The following FRMD4A variants were observed in gnomAD, a reference collection of about 807,000 sequenced individuals.
FRMD4A encodes the protein FERM domain containing 4A, also known as FERM domain-containing protein 4A.
FRMD4A carries 29 observed loss-of-function variants against 129.1 expected under a neutral mutation model. That is an observed-to-expected ratio of 0.22 (90% CI 0.17 to 0.31). The LOEUF (loss-of-function observed/expected upper bound fraction) is 0.31, where lower values mean the gene tolerates loss of function less well. Among genes scored for constraint, FRMD4A ranks in the 10% least tolerant of loss-of-function variants. The pLI is 1.00. For synonymous variants in FRMD4A, 634 were observed against 571.6 expected (o/e 1.11, Z -1.56); for missense variants, 1,272 against 1,375.8 (o/e 0.92, Z 1.19).
intron 2 of FRMD4A, among the ~76,000 whole-genome samples, chr10:14,117,910 T>C (rs1357265589): frequency 6.6e-6 from 1 of 151,718 alleles, no homozygotes; most frequent in African/African-American, 2.4e-5. Context: ...TGCAGAGAGG[T>C]GTTTATCTGT....
intron 2 of FRMD4A, among the ~76,000 whole-genome samples, chr10:13,942,766 C>G (rs1486313966): frequency 6.6e-6 from 1 of 151,986 alleles, no homozygotes; most frequent in African/African-American, 2.4e-5. Flanking sequence ...AACCCTGCCT[C>G]TACAAAAAAT....
chr10:13,900,311 G>A (rs1309706857), intron 2 of FRMD4A, among the ~76,000 whole-genome samples: 1 of 151,880 alleles, frequency 6.6e-6, no homozygotes, highest in Non-Finnish European at 1.5e-5. Context: ...AAGTTTTATA[G>A]TTTTGTTGTG....
At chr10:14,134,089 A>G (rs1239260411) in intron 2 of FRMD4A, among the ~76,000 whole-genome samples, 2 of 152,128 alleles carry the variant, frequency 1.3e-5, no homozygotes, top group Admixed American at 6.5e-5. Flanking sequence ...CCTTTTGATA[A>G]TTTCTACAAG....
intron 2 of FRMD4A, among the ~76,000 whole-genome samples, chr10:14,292,233 A>T (rs1033224674): frequency 1.3e-5 from 2 of 152,258 alleles, no homozygotes; most frequent in African/African-American, 2.4e-5. Context: ...TTCGTCTTGC[A>T]GATCTCATGC....
At chr10:14,185,446 C>A (rs1206012919) in intron 2 of FRMD4A, among the ~76,000 whole-genome samples, 1 of 152,146 alleles carries the variant, frequency 6.6e-6, no homozygotes, top group Non-Finnish European at 1.5e-5. Context: ...ATGAGGATGT[C>A]GTGGCAGAAA....
At chr10:13,983,266 T>C (rs1250010683) in intron 2 of FRMD4A, among the ~76,000 whole-genome samples, 9 of 152,160 alleles carry the variant, frequency 5.9e-5, no homozygotes, top group Non-Finnish European at 1.2e-4. Flanking sequence ...TTGCAAGCAG[T>C]CCTCTTCCTC....
intron 9 of FRMD4A, among the ~76,000 whole-genome samples, chr10:13,740,823 GTTTGTTTTTTTT>G (rs948778111): frequency 1.9e-5 from 2 of 105,108 alleles, no homozygotes; most frequent in African/African-American, 7.9e-5. Flanking sequence ...TGTCTTGGAT[GTTTGTTTTTTTT>G]TTTTTTTTTG....
At chr10:13,898,166 A>G (rs536646410) in intron 2 of FRMD4A, among the ~76,000 whole-genome samples, 1 of 152,250 alleles carries the variant, frequency 6.6e-6, no homozygotes, top group South Asian at 2.1e-4. Context: ...TGAGGTCAGG[A>G]GTTTGAGACC....
intron 2 of FRMD4A, chr10:14,326,906 C>G (rs185963934): frequency 5.0e-6 from 2 of 398,696 alleles, no homozygotes; most frequent in African/African-American, 4.1e-5. Flanking sequence ...TTTTCAACAG[C>G]CTAAAAGGCC....
intron 2 of FRMD4A, among the ~76,000 whole-genome samples, chr10:14,087,220 A>G (rs1836335192): frequency 6.8e-6 from 1 of 147,824 alleles, no homozygotes; most frequent in African/African-American, 2.5e-5. Context: ...TAGGATTATA[A>G]ATTATATATT....
At chr10:13,873,818 A>T (rs2094463403) in intron 2 of FRMD4A, among the ~76,000 whole-genome samples, 1 of 151,784 alleles carries the variant, frequency 6.6e-6, no homozygotes, top group African/African-American at 2.4e-5. Context: ...AAGTGCTGAG[A>T]TTACAGGCTG....
intron 2 of FRMD4A, among the ~76,000 whole-genome samples, chr10:14,226,678 T>C (rs1168988627): frequency 6.6e-6 from 1 of 152,120 alleles, no homozygotes; most frequent in Non-Finnish European, 1.5e-5. Flanking sequence ...GACTCCAACA[T>C]ATAAATGTGA....
At chr10:13,655,332 C>T (rs1381795377) in intron 22 of FRMD4A, 3 of 152,188 alleles carry the variant, frequency 2.0e-5, no homozygotes, top group Non-Finnish European at 4.4e-5. Context: ...ATAAACCCTC[C>T]TGTTTGTTGG....
chr10:14,008,162 CTGTGTGTGTGTGTG>C (rs752913059), intron 2 of FRMD4A: 252 of 630,222 alleles, frequency 4.0e-4, no homozygotes, highest in African/African-American at 2.2e-3. Context: ...TGGTGTACAG[CTGTGTGTGTGTGTG>C]TGTGTGTGTG....
At chr10:14,275,386 G>A (rs1318179612) in intron 2 of FRMD4A, among the ~76,000 whole-genome samples, 1 of 152,194 alleles carries the variant, frequency 6.6e-6, no homozygotes, top group Non-Finnish European at 1.5e-5. Context: ...AACACATCGG[G>A]GTGAGTGTAT....
At chr10:13,909,687 G>A (rs976044761) in intron 2 of FRMD4A, among the ~76,000 whole-genome samples, 1 of 152,098 alleles carries the variant, frequency 6.6e-6, no homozygotes, top group Non-Finnish European at 1.5e-5. Context: ...TAACACTGTC[G>A]CAATGCCATT....
intron 2 of FRMD4A, among the ~76,000 whole-genome samples, chr10:13,866,091 G>C (rs1564936780): frequency 6.6e-6 from 1 of 152,104 alleles, no homozygotes; most frequent in Admixed American, 6.6e-5. Context: ...ATTAAAATCA[G>C]CAATATTAAT....
intron 4 of FRMD4A, among the ~76,000 whole-genome samples, chr10:13,801,154 G>A (rs1326741811): frequency 6.6e-6 from 1 of 152,192 alleles, no homozygotes; most frequent in African/African-American, 2.4e-5. Context: ...GGCTGAGGCA[G>A]GAGAATCGCT....
chr10:13,826,454 C>T (rs2093702419), intron 3 of FRMD4A, among the ~76,000 whole-genome samples: 1 of 152,192 alleles, frequency 6.6e-6, no homozygotes, highest in Non-Finnish European at 1.5e-5. Context: ...ATTTCTCCTC[C>T]TTGCACCTGT....
Sources: gnomAD v4.1 joint callset for allele counts (sites outside exome capture counted in the v4.1 genomes callset) on GRCh38, gnomAD v4.1.1 for gene constraint, MANE v1.5 for transcripts, NCBI Gene and HGNC (gene_info 2026-07-23, HGNC 2026-07-21) for gene names.